The following ZNF267 variants were observed in gnomAD, a reference collection of about 807,000 sequenced individuals.
ZNF267 encodes the protein zinc finger protein 267.
In ZNF267, 61 loss-of-function variants were observed where a neutral mutation model predicts 71.6. The observed-to-expected ratio is 0.85, with a 90% CI of 0.69 to 1.05. ZNF267 has a LOEUF of 1.05. Ranked by LOEUF, ZNF267 falls within the 50% of genes least tolerant of loss-of-function variation. The pLI is 0.00. For synonymous variants in ZNF267, 288 were observed against 293.2 expected, an observed-to-expected ratio of 0.98 and a Z score of 0.18; for missense variants, 852 against 870.0, an observed-to-expected ratio of 0.98 and a Z score of 0.26.
rs1897927934 is a variant in ZNF267, at chr16:31,874,081, GC to G, written c.3+116del. ...CCCCGCAGTCAGCCTCGGGGTCTGG[GC>G]CCCGAGTCCCAACTGGTGCAGCTCG... On this transcript the variant is annotated intron_variant, in intron 1 of 3. Transcript: ENST00000300870. 42 of 1,245,846 alleles carry G rather than the reference GC, an allele frequency of 3.4e-5. No individual in the cohort carries two copies. The South Asian group carries it at 5.1e-4, about 15-fold the overall frequency. 77.2% of individuals were successfully genotyped at this position (1,245,846 alleles called of 1,614,324 possible). A position where few individuals can be genotyped will look rare whatever the true frequency, so the allele number is the denominator to read the frequency against.
At chr16:31,881,413 G>A (rs2083888932) in intron 1 of ZNF267, among the ~76,000 whole-genome samples, 1 of 152,096 alleles carries the variant, frequency 6.6e-6, no homozygotes, top group Non-Finnish European at 1.5e-5. Context: ...AGATTTCTGG[G>A]TGGCCGCTGC....
At chr16:31,878,428 C>T (rs969005063) in intron 1 of ZNF267, among the ~76,000 whole-genome samples, 5 of 152,186 alleles carry the variant, frequency 3.3e-5, no homozygotes, top group Admixed American at 6.5e-5. Context: ...CCCCGTCCAT[C>T]CCAGGAGAAG....
chr16:31,882,771 G>GGTACCA, intron 1 of ZNF267, among the ~76,000 whole-genome samples: 1 of 152,296 alleles, frequency 6.6e-6, no homozygotes, highest in Admixed American at 6.5e-5. Context: ...CATTAGCACT[G>GGTACCA]GTACCAATTT....
intron 1 of ZNF267, chr16:31,875,113 T>C (rs1402857469): frequency 6.2e-6 from 8 of 1,288,726 alleles, no homozygotes; most frequent in Admixed American, 2.3e-5. Context: ...TCGGAAAGAA[T>C]GTCTTTTGAC....
chr16:31,897,502 C>T (rs1297918423), intron 3 of ZNF267, among the ~76,000 whole-genome samples: 3 of 152,052 alleles, frequency 2.0e-5, no homozygotes, highest in East Asian at 1.9e-4. Flanking sequence ...GTTTTGATTA[C>T]TATAGCTTTG....
At chr16:31,897,992 T>C (rs899001691) in intron 3 of ZNF267, among the ~76,000 whole-genome samples, 22 of 152,172 alleles carry the variant, frequency 1.4e-4, no homozygotes, top group Non-Finnish European at 3.2e-4. Context: ...GTCTTTAGTG[T>C]TCAAGTCTTC....
chr16:31,911,094 T>C (rs1380061731), intron 3 of ZNF267, among the ~76,000 whole-genome samples: 2 of 151,682 alleles, frequency 1.3e-5, no homozygotes, highest in African/African-American at 4.9e-5. Flanking sequence ...ACTTGTTTTG[T>C]AACCTAAAAT....
chr16:31,907,196 A>G (rs1173654585), intron 3 of ZNF267, among the ~76,000 whole-genome samples: 1 of 152,136 alleles, frequency 6.6e-6, no homozygotes, highest in East Asian at 1.9e-4. Context: ...TGTTGCTGCT[A>G]GAGTTGGTTG....
intron 3 of ZNF267, among the ~76,000 whole-genome samples, chr16:31,888,370 C>G (rs1287771981): frequency 1.3e-5 from 2 of 151,902 alleles, no homozygotes; most frequent in Non-Finnish European, 2.9e-5. Flanking sequence ...CTTTTTCTTA[C>G]CTAATTGTTC....
At chr16:31,884,397 C>T (rs773611912) in intron 1 of ZNF267, 101 bp from the exon 2 acceptor site, 130 of 1,422,634 alleles carry the variant, frequency 9.1e-5, no homozygotes, top group Non-Finnish European at 1.2e-4. Context: ...TAATTCAGGT[C>T]ACTCATATAT....
At chr16:31,910,771 G>GT (rs2084129621) in intron 3 of ZNF267, among the ~76,000 whole-genome samples, 2 of 150,640 alleles carry the variant, frequency 1.3e-5, no homozygotes, top group South Asian at 2.1e-4. Flanking sequence ...TTGTTTTGCT[G>GT]TTTTTTCTTT....
Position 31,874,086 on chromosome 16 carries a change from G to GC in ZNF267, c.3+117_3+118insC, listed in dbSNP as rs1283006640. On this transcript the variant is annotated intron_variant, in intron 1 of 3. Transcript: ENST00000300870. ...CAGTCAGCCTCGGGGTCTGGGCCCCGAGTCCCAACTGGTGCAGCTCGGCCC... is the reference window on the plus strand; with the variant it reads ...CAGTCAGCCTCGGGGTCTGGGCCCCGCAGTCCCAACTGGTGCAGCTCGGCCC... 4 of 1,190,020 alleles carry GC rather than the reference G, an allele frequency of 3.4e-6. No individual in the cohort carries two copies. In the East Asian group the frequency reaches 9.7e-5, roughly 29 times the overall value. The allele number at this position is 1,190,020 out of a possible 1,614,324, so 73.7% of individuals were successfully genotyped here.
chr16:31,895,898 A>G (rs1205164424), intron 3 of ZNF267, among the ~76,000 whole-genome samples: 3 of 152,190 alleles, frequency 2.0e-5, no homozygotes, highest in East Asian at 1.9e-4. Context: ...ATAGTTTGCA[A>G]ATATTTTCTC....
At chr16:31,882,470 A>G (rs2083897272) in intron 1 of ZNF267, among the ~76,000 whole-genome samples, 1 of 152,220 alleles carries the variant, frequency 6.6e-6, no homozygotes, top group African/African-American at 2.4e-5. Flanking sequence ...CAGCATTGAC[A>G]GGGGACTTGT....
In ZNF267 at chr16:31,873,923, GGA is replaced by G; in HGVS notation, c.-41_-40del. On this transcript the variant is annotated 5_prime_UTR_variant, in exon 1 of 4. Transcript: ENST00000300870. Reference sequence around the variant, plus strand: ...GTTGCTCTGCGACTTGCAGGCACTGGGAGATTCGTAGCTAAGACGCCAGGGCA... The same window carrying G: ...GTTGCTCTGCGACTTGCAGGCACTGGGATTCGTAGCTAAGACGCCAGGGCA... 1 of 1,613,674 alleles carries G rather than the reference GGA, an allele frequency of 6.2e-7. No individual in the cohort carries two copies.
intron 1 of ZNF267, among the ~76,000 whole-genome samples, chr16:31,874,773 G>A (rs1314404948): frequency 2.6e-5 from 4 of 152,008 alleles, no homozygotes; most frequent in South Asian, 4.2e-4. Flanking sequence ...GTAGCACGCA[G>A]AGTCTCAAGT....
chr16:31,876,859 G>A (rs1029139009), intron 1 of ZNF267, among the ~76,000 whole-genome samples: 1 of 152,158 alleles, frequency 6.6e-6, no homozygotes, highest in Non-Finnish European at 1.5e-5. Flanking sequence ...AGCCCAGTTA[G>A]TTCTTCCAGG....
intron 3 of ZNF267, among the ~76,000 whole-genome samples, chr16:31,900,326 T>C (rs1373809042): frequency 6.6e-6 from 1 of 152,220 alleles, no homozygotes; most frequent in Non-Finnish European, 1.5e-5. Context: ...TTACATGATT[T>C]TGTGTTCCTC....
chr16:31,901,022 T>C (rs1244045125), intron 3 of ZNF267, among the ~76,000 whole-genome samples: 1 of 152,046 alleles, frequency 6.6e-6, no homozygotes, highest in African/African-American at 2.4e-5. Flanking sequence ...CTTTGTTCAA[T>C]TCCCACCTAT....
Sources: allele counts gnomAD v4.1 joint callset (sites outside exome capture counted in the v4.1 genomes callset), GRCh38; gene constraint gnomAD v4.1.1; transcripts MANE v1.5; gene names NCBI Gene and HGNC (gene_info 2026-07-23, HGNC 2026-07-21).